PRORP: variants seen among roughly 807,000 people sequenced by gnomAD.
PRORP encodes protein only RNase P catalytic subunit.
A neutral mutation model predicts 59.4 loss-of-function variants in PRORP; 51 were observed. That is an observed-to-expected ratio of 0.86 (90% CI 0.69 to 1.08). The LOEUF is 1.08. Ranked by LOEUF, PRORP falls within the 50% of genes least tolerant of loss-of-function variation. The probability of loss-of-function intolerance (pLI) is 0.00; values close to 1 mark genes in which losing one functional copy is unlikely to be tolerated. For missense variants in PRORP, 646 were observed against 690.3 expected, an observed-to-expected ratio of 0.94 and a Z score of 0.72; for synonymous variants, 231 against 245.6, an observed-to-expected ratio of 0.94 and a Z score of 0.55.
intron 5 of PRORP, among the ~76,000 whole-genome samples, chr14:35,213,981 A>T (rs1397918065): frequency 6.6e-6 from 1 of 152,280 alleles, no homozygotes; most frequent in Non-Finnish European, 1.5e-5. Context: ...TCTGTAAAGT[A>T]ATGTGCAATA....
chr14:35,167,496 A>G (rs896846266), intron 4 of PRORP, among the ~76,000 whole-genome samples: 2 of 152,210 alleles, frequency 1.3e-5, no homozygotes, highest in Non-Finnish European at 2.9e-5. Flanking sequence ...TTTAGTTTAC[A>G]GTACTGTTGC....
chr14:35,156,176 A>G (rs2047908807), intron 4 of PRORP, among the ~76,000 whole-genome samples: 1 of 152,334 alleles, frequency 6.6e-6, no homozygotes, highest in African/African-American at 2.4e-5. Context: ...TCACAAAGGG[A>G]AATATGAACC....
intron 5 of PRORP, among the ~76,000 whole-genome samples, chr14:35,224,239 A>G (rs2049873271): frequency 6.6e-6 from 1 of 152,214 alleles, no homozygotes; most frequent in African/African-American, 2.4e-5. Flanking sequence ...TCATCATAAT[A>G]CTATATATAT....
chr14:35,235,832 G>A (rs566457362), intron 5 of PRORP, among the ~76,000 whole-genome samples: 3 of 152,016 alleles, frequency 2.0e-5, no homozygotes, highest in Non-Finnish European at 2.9e-5. Context: ...TTGGGAGGCC[G>A]AGGTGGTGGA....
At position 35,180,782 on chromosome 14, in the gene PRORP, G is replaced by C; in HGVS notation, c.1275+5G>C. 1 of 1,552,292 alleles carries C rather than the reference G, an allele frequency of 6.4e-7. No individual in the cohort carries two copies. Among genetic ancestry groups the C allele is most frequent in the Non-Finnish European group, 8.9e-7 (1 of 1,125,274 alleles). ...AAAGTTCGTGAATCTCAACTTGTAA[G>C]TATAAGTTTTACTTTGTTATTCCAC... On this transcript the variant is annotated splice_donor_5th_base_variant and intron_variant, in intron 5 of 7. Coordinates refer to ENST00000534898, the MANE Select transcript of PRORP (RefSeq NM_014672.4).
At chr14:35,177,617 A>G (rs1211941612) in intron 4 of PRORP, among the ~76,000 whole-genome samples, 3 of 151,850 alleles carry the variant, frequency 2.0e-5, no homozygotes, top group Non-Finnish European at 2.9e-5. Flanking sequence ...TATTGTGTCT[A>G]TTTGAGTCTT....
At chr14:35,132,784 CAAA>C (rs142694889) in intron 4 of PRORP, among the ~76,000 whole-genome samples, 17 of 72,592 alleles carry the variant, frequency 2.3e-4, no homozygotes, top group Middle Eastern at 8.1e-3. Flanking sequence ...GAGACTCCAT[CAAA>C]AAAAAAAAAA....
chr14:35,177,204 C>T (rs1400514276), intron 4 of PRORP, among the ~76,000 whole-genome samples: 1 of 151,802 alleles, frequency 6.6e-6, no homozygotes, highest in African/African-American at 2.4e-5. Flanking sequence ...TAAAATTTCT[C>T]TTTTTTTGTT....
chr14:35,219,050 A>G (rs2138432918), intron 5 of PRORP: 1 of 152,246 alleles, frequency 6.6e-6, no homozygotes, highest in Admixed American at 6.5e-5. Context: ...TAATGTTGAG[A>G]TGGTTGGGCT....
intron 5 of PRORP, among the ~76,000 whole-genome samples, chr14:35,207,080 G>A (rs2049312923): frequency 1.3e-5 from 2 of 151,810 alleles, no homozygotes; most frequent in South Asian, 4.2e-4. Context: ...TCTTCCCAAG[G>A]TGGCTGTGTA....
rs2046985685 is a variant in PRORP at position 35,123,270 on chromosome 14, C to A, written c.25C>A (p.Arg9=). 2 of 1,611,130 alleles carry A rather than the reference C, an allele frequency of 1.2e-6. No homozygotes were observed. Among genetic ancestry groups the A allele is most frequent in the Admixed American group, 3.3e-5 (2 of 59,942 alleles). Residue 9 remains arginine (R), a synonymous_variant, in exon 2 of 8, where the codon CGA becomes AGA. Transcript: ENST00000534898. ...AATGACTTTCTATTTGTTTGGTATTCGAAGCTTTCCGAAGCTTTGGAAGAG... is the reference window on the plus strand; with the variant it reads ...AATGACTTTCTATTTGTTTGGTATTAGAAGCTTTCCGAAGCTTTGGAAGAG... MTFYLFGI[R]SFPKLWKSPY...
intron 5 of PRORP, among the ~76,000 whole-genome samples, chr14:35,247,746 G>A (rs1047976222): frequency 3.3e-5 from 5 of 152,080 alleles, no homozygotes; most frequent in Non-Finnish European, 7.4e-5. Context: ...TAATCTTCCT[G>A]AAATTAGTTT....
intron 4 of PRORP, among the ~76,000 whole-genome samples, chr14:35,156,637 C>T (rs2047919881): frequency 6.6e-6 from 1 of 152,150 alleles, no homozygotes; most frequent in Admixed American, 6.5e-5. Context: ...TGCATTCTGT[C>T]ATATCAATAA....
intron 4 of PRORP, among the ~76,000 whole-genome samples, chr14:35,166,821 G>A (rs59482644): frequency 0.18 from 28,000 of 152,024 alleles, 2,835 homozygotes; most frequent in Admixed American, 0.27. Context: ...TCACCCTATT[G>A]AATTATCCTT....
chr14:35,212,761 T>G (rs147122353), intron 5 of PRORP, among the ~76,000 whole-genome samples: 1 of 152,190 alleles, frequency 6.6e-6, no homozygotes, highest in Non-Finnish European at 1.5e-5. Flanking sequence ...TGGCTTCAAC[T>G]TAAAGACAAC....
chr14:35,261,633 G>A (rs2050906577), intron 5 of PRORP, among the ~76,000 whole-genome samples: 1 of 152,058 alleles, frequency 6.6e-6, no homozygotes, highest in East Asian at 1.9e-4. Flanking sequence ...GGAGATTGAG[G>A]CAGGAGAATC....
intron 5 of PRORP, among the ~76,000 whole-genome samples, chr14:35,265,926 G>A (rs2051025753): frequency 6.6e-6 from 1 of 151,598 alleles, no homozygotes; most frequent in African/African-American, 2.4e-5. Context: ...CTGTAATCCA[G>A]GTGCTTTGGG....
chr14:35,162,293 A>G (rs573321286), intron 4 of PRORP, among the ~76,000 whole-genome samples: 3 of 152,280 alleles, frequency 2.0e-5, no homozygotes, highest in South Asian at 4.1e-4. Context: ...ATTGGCCTTC[A>G]TGGAAATTTT....
intron 5 of PRORP, among the ~76,000 whole-genome samples, chr14:35,238,772 C>A (rs190850747): frequency 2.6e-5 from 4 of 152,214 alleles, no homozygotes; most frequent in Non-Finnish European, 5.9e-5. Flanking sequence ...GGCCAGAAAC[C>A]AAATACTCTT....
Sources: gnomAD v4.1 joint callset for allele counts (sites outside exome capture counted in the v4.1 genomes callset) on GRCh38, gnomAD v4.1.1 for gene constraint, MANE v1.5 for transcripts, NCBI Gene and HGNC (gene_info 2026-07-23, HGNC 2026-07-21) for gene names.